The following PSD2 variants were observed in gnomAD, a reference collection of about 807,000 sequenced individuals.
PSD2 encodes PH and SEC7 domain-containing protein 2.
PSD2 carries 38 observed loss-of-function variants against 69.8 expected under a neutral mutation model. That is an observed-to-expected ratio of 0.54 (90% confidence interval 0.42 to 0.71). The LOEUF (loss-of-function observed/expected upper bound fraction) is 0.71. Ranked by LOEUF, PSD2 falls within the 30% of genes least tolerant of loss-of-function variation. The pLI is 0.00. For synonymous variants in PSD2, 412 were observed against 423.0 expected, an observed-to-expected ratio of 0.97 and a Z score of 0.32; for missense variants, 943 against 1,014.5, an observed-to-expected ratio of 0.93 and a Z score of 0.96.
At chr5:139,833,613 C>A in intron 7 of PSD2, 89 bp from the exon 8 acceptor site, 1 of 873,484 alleles carries the variant, frequency 1.1e-6, no homozygotes, top group Admixed American at 1.7e-5. Context: ...TTAATGCTGC[C>A]TCATCCCTCT....
At chr5:139,803,387 G>A (rs554104875) in intron 1 of PSD2, among the ~76,000 whole-genome samples, 2 of 152,370 alleles carry the variant, frequency 1.3e-5, no homozygotes, top group African/African-American at 4.8e-5. Flanking sequence ...ACCCCTGGGG[G>A]TAGCCAGCTT....
At chr5:139,762,116 CA>C in the PSD2 span, among the ~76,000 whole-genome samples, 2 of 151,854 alleles carry the variant, frequency 1.3e-5, no homozygotes, top group East Asian at 3.9e-4. Context: ...AATCTCGGCT[CA>C]CTGTAACCTC....
At chr5:139,768,667 G>A in the PSD2 span, among the ~76,000 whole-genome samples, 4 of 151,174 alleles carry the variant, frequency 2.6e-5, no homozygotes, top group Admixed American at 6.6e-5. Context: ...AGGTTGCTGT[G>A]AGCCGAGATC....
chr5:139,760,880 TAAC>T, the PSD2 span, among the ~76,000 whole-genome samples: 1 of 152,132 alleles, frequency 6.6e-6, no homozygotes, highest in Admixed American at 6.5e-5. Flanking sequence ...AAAATAATGA[TAAC>T]AACAATGAAT....
At chr5:139,792,043 T>A (rs141714792), upstream of PSD2, among the ~76,000 whole-genome samples, 14 of 151,416 alleles carry the variant, frequency 9.2e-5, no homozygotes, top group Middle Eastern at 3.4e-3. Context: ...CAAAGGGAGG[T>A]CACTAGAAAT....
chr5:139,810,131 T>C (rs1759923180), intron 2 of PSD2, among the ~76,000 whole-genome samples: 1 of 152,084 alleles, frequency 6.6e-6, no homozygotes, highest in Non-Finnish European at 1.5e-5. Context: ...ATGCCCAATG[T>C]GAAAATTCAT....
At chr5:139,801,197 T>G (rs901850524) in intron 1 of PSD2, among the ~76,000 whole-genome samples, 64 of 132,884 alleles carry the variant, frequency 4.8e-4, no homozygotes, top group African/African-American at 1.9e-3. Flanking sequence ...AGAGAGAGAC[T>G]CCATCTCAAA....
chr5:139,818,944 C>T (rs1581724007), intron 5 of PSD2, among the ~76,000 whole-genome samples: 1 of 152,136 alleles, frequency 6.6e-6, no homozygotes, highest in African/African-American at 2.4e-5. Flanking sequence ...CCATTATTTT[C>T]TCCACCTTTC....
chr5:139,795,102 T>C (rs949074007), upstream of PSD2, among the ~76,000 whole-genome samples: 1 of 152,128 alleles, frequency 6.6e-6, no homozygotes, highest in African/African-American at 2.4e-5. This position sits in a 1 kb window ranked among gnomAD's most constrained non-coding sequence, Gnocchi z 4.5. Flanking sequence ...GGATTCTTGG[T>C]TGGACCCACC....
intron 7 of PSD2, among the ~76,000 whole-genome samples, chr5:139,826,017 A>G (rs1760409577): frequency 1.3e-5 from 2 of 152,194 alleles, no homozygotes; most frequent in African/African-American, 4.8e-5. Context: ...TGAAGCCCAG[A>G]CAAGACAGCA....
intron 5 of PSD2, among the ~76,000 whole-genome samples, chr5:139,819,702 T>A (rs188548761): frequency 2.0e-4 from 31 of 152,322 alleles, no homozygotes; most frequent in East Asian, 1.7e-3. Context: ...TTTTCCAATA[T>A]CTTAAGAAAA....
In PSD2 at chr5:139,814,154, C is replaced by T; in HGVS notation, c.822-16C>T. On this transcript the variant is annotated splice_polypyrimidine_tract_variant and intron_variant, in intron 3 of 14. Coordinates refer to ENST00000274710, the MANE Select transcript of PSD2 (RefSeq NM_032289.4). The surrounding 1 kb of genome is among the most constrained non-coding windows in gnomAD (Gnocchi z 4.4). ...GGGCCTCTGACGCTACTCTTCCACC[C>T]ACCTTCCATCTGCAGTGACCCCAGC... 6.2e-7 allele frequency: 1 copy of T among 1,609,748 alleles called. No homozygotes were observed. Among genetic ancestry groups the T allele is most frequent in the Non-Finnish European group, 8.5e-7 (1 of 1,178,466 alleles).
chr5:139,809,534 A>G lies in PSD2; in HGVS notation c.94A>G (p.Asn32Asp), dbSNP rs764811726. The G allele has an allele frequency of 1.2e-6, 2 of 1,613,500 alleles. No individual in the cohort carries two copies. The highest frequency in any genetic ancestry group is 1.7e-6 in the Non-Finnish European group (2 of 1,179,714). Reference protein sequence around the residue: ...PEPEEEPGVRNGMASEGLNSS... With the variant: ...PEPEEEPGVRDGMASEGLNSS... ...GCCTGAAGAGGAGCCAGGGGTCCGGAATGGGATGGCCAGTGAGGGCCTGAA... is the reference window on the plus strand; with the variant it reads ...GCCTGAAGAGGAGCCAGGGGTCCGGGATGGGATGGCCAGTGAGGGCCTGAA... Residue 32 changes from asparagine to aspartate, a missense_variant, in exon 2 of 15, where the codon AAT (asparagine) becomes GAT (aspartate). Coordinates refer to ENST00000274710, the MANE Select transcript of PSD2 (RefSeq NM_032289.4).
intron 13 of PSD2, 45 bp downstream of exon 13, chr5:139,838,817 C>A: frequency 6.3e-7 from 1 of 1,590,152 alleles, no homozygotes; most frequent in South Asian, 1.1e-5. Flanking sequence ...GGCTGCCATC[C>A]TCAGCCCAGG....
At position 139,844,341 on chromosome 5, in the gene PSD2, T is replaced by C; in HGVS notation, c.*1867T>C. On this transcript the variant is annotated 3_prime_UTR_variant, in exon 15 of 15. Coordinates refer to ENST00000274710, the MANE Select transcript of PSD2 (RefSeq NM_032289.4). ...TGTTTAGTTCACTTCCTTAATTGTA[T>C]AATTATTTATTTGTAAATTATATAC... 1 of 152,230 alleles carries C rather than the reference T, an allele frequency of 6.6e-6. No individual in the cohort carries two copies. Among genetic ancestry groups the C allele is most frequent in the Non-Finnish European group, 1.5e-5 (1 of 68,050 alleles). The allele number at this position is 152,230 out of a possible 1,614,324, so 9.4% of individuals were successfully genotyped here.
the PSD2 span, among the ~76,000 whole-genome samples, chr5:139,788,178 C>CG: frequency 2.2e-5 from 1 of 45,688 alleles, no homozygotes; most frequent in African/African-American, 7.0e-5. Context: ...GCCCCCCCCG[C>CG]GCCCCCCCCC....
the PSD2 span, among the ~76,000 whole-genome samples, chr5:139,764,293 G>C: frequency 6.6e-6 from 1 of 152,228 alleles, no homozygotes; most frequent in African/African-American, 2.4e-5. Flanking sequence ...CTGGCACTGA[G>C]ACCGTAAGCA....
Position 139,844,285 on chromosome 5 carries a change from G to C in PSD2, c.*1811G>C, listed in dbSNP as rs1349838187. 1 of 152,194 alleles carries C rather than the reference G, an allele frequency of 6.6e-6. No homozygotes were observed. Among genetic ancestry groups the C allele is most frequent in the Non-Finnish European group, 1.5e-5 (1 of 68,042 alleles). 9.4% of individuals were successfully genotyped at this position (152,194 alleles called of 1,614,324 possible). On this transcript the variant is annotated 3_prime_UTR_variant, in exon 15 of 15. Transcript: ENST00000274710. ...AGCTGTGGACAGATGTGCTTCCTGA[G>C]CATGGGTTGTGCCTCCCATCAGTAA...
Position 139,842,275 on chromosome 5 carries a change from G to A in PSD2, c.2117G>A (p.Ser706Asn), listed in dbSNP as rs758780452. Residue 706 changes from serine (S) to asparagine (N), a missense_variant, in exon 15 of 15, where the codon AGC (serine) becomes AAC (asparagine). By Grantham distance (46) the Ser-to-Asn change is conservative (BLOSUM62 1). This residue lies in a region of PSD2 where 165 missense variants were observed against 168.8 expected (regional missense o/e 0.98). Coordinates refer to ENST00000274710, the MANE Select transcript of PSD2 (RefSeq NM_032289.4). The part of the protein sequence containing the change: ...LKEHYLTFEK[S>N]RYETYIHLLA... ...TTGTGTTTGGCCTTTCCCCAGAAAA[G>A]CCGTTATGAGACCTATATCCACCTC... 63 of 1,613,882 alleles carry A rather than the reference G, an allele frequency of 3.9e-5. No homozygotes were observed. The highest frequency in any genetic ancestry group is 5.3e-5 in the Non-Finnish European group (62 of 1,179,888).
Sources: gnomAD v4.1 joint callset for allele counts (sites outside exome capture counted in the v4.1 genomes callset) on GRCh38, gnomAD v4.1.1 for gene constraint, gnomAD v4.1.1 regional missense constraint, Gnocchi (gnomAD v3.1) non-coding constraint, MANE v1.5 for transcripts, NCBI Gene and HGNC (gene_info 2026-07-23, HGNC 2026-07-21) for gene names.